The following RHPN2 variants were observed in gnomAD, a reference collection of about 807,000 sequenced individuals.
RHPN2 encodes the protein rhophilin Rho GTPase binding protein 2, also known as rhophilin-2.
In RHPN2, 40 loss-of-function variants were observed where a neutral mutation model predicts 79.0. The observed-to-expected ratio is 0.51, with a 90% CI of 0.39 to 0.66. The LOEUF is 0.66. Ranked by LOEUF, RHPN2 falls within the 30% of genes least tolerant of loss-of-function variation. The pLI is 0.00. For synonymous variants in RHPN2, 285 were observed against 363.5 expected, an observed-to-expected ratio of 0.78 and a Z score of 2.46; for missense variants, 686 against 883.5, an observed-to-expected ratio of 0.78 and a Z score of 2.83.
At chr19:33,063,023 C>G (rs559799726) in intron 1 of RHPN2, among the ~76,000 whole-genome samples, 1 of 152,140 alleles carries the variant, frequency 6.6e-6, no homozygotes, top group South Asian at 2.1e-4. Flanking sequence ...TACACCTGCT[C>G]AGAGAACAAT....
rs1453658798 is a variant in RHPN2 at position 32,994,004 on chromosome 19, C to G, written c.1470G>C (p.Leu490=). The G allele has an allele frequency of 6.2e-7, 1 of 1,613,322 alleles. No individual in the cohort carries two copies. The highest frequency in any genetic ancestry group is 8.5e-7 in the Non-Finnish European group (1 of 1,179,464). ...GCTTCTGGAAGAAGTCCGTGACTGT[C>G]AGCTTGGAGAACTGGGGCAATATAA... ...VDIILPQFSK[L]TVTDFFQKLG... The change falls in exon 12 of 15, where the codon CTG becomes CTC. Residue 490 remains leucine (L), a synonymous_variant. Coordinates refer to ENST00000254260, the MANE Select transcript of RHPN2 (RefSeq NM_033103.5).
At position 33,007,749 on chromosome 19, in the gene RHPN2, G is replaced by GTT. The variant is rs71340516; in HGVS notation, c.760+263_760+264dup. Among the ~76,000 whole-genome samples, 26 of 137,972 alleles carry GTT rather than the reference G, an allele frequency of 1.9e-4. No individual in the cohort carries two copies. In the South Asian group the frequency reaches 2.1e-3, roughly 11 times the overall value. 90.5% of individuals were successfully genotyped at this position (137,972 alleles called of 152,430 possible). ...GACTGAGGTCTGAACCACCGAGCAA[G>GTT]TTTTTTTTTTTTTTTTTGAGATGCA... On this transcript the variant is annotated intron_variant, in intron 7 of 14. Transcript: ENST00000254260.
intron 14 of RHPN2, among the ~76,000 whole-genome samples, chr19:32,981,041 C>A (rs549121600): frequency 6.6e-6 from 1 of 151,970 alleles, no homozygotes; most frequent in East Asian, 1.9e-4. Flanking sequence ...GGTTTCACCC[C>A]TTCTCGATCT....
intron 14 of RHPN2, among the ~76,000 whole-genome samples, chr19:32,984,832 G>A (rs1025406279): frequency 7.2e-5 from 11 of 152,134 alleles, no homozygotes; most frequent in Non-Finnish European, 1.6e-4. Context: ...TTTTGGCCTG[G>A]TGCAGTGGCT....
At chr19:33,002,592 G>C (rs1465383974) in intron 8 of RHPN2, among the ~76,000 whole-genome samples, 189 bp from the exon 9 acceptor site, 1 of 152,172 alleles carries the variant, frequency 6.6e-6, no homozygotes, top group Non-Finnish European at 1.5e-5. Flanking sequence ...TCAGGCTGCT[G>C]TCATTATGCT....
At chr19:33,025,732 T>C (rs960097031) in intron 3 of RHPN2, among the ~76,000 whole-genome samples, 8 of 152,224 alleles carry the variant, frequency 5.3e-5, no homozygotes, top group African/African-American at 1.9e-4. Flanking sequence ...TTAGCCAACA[T>C]TGGAAAGGTA....
intron 9 of RHPN2, among the ~76,000 whole-genome samples, chr19:33,001,964 AT>A (rs1599812992): frequency 1.3e-5 from 2 of 152,040 alleles, no homozygotes; most frequent in East Asian, 3.9e-4. Context: ...TGATGCCAGC[AT>A]TTTTGGCCTT....
chr19:33,033,821 C>G (rs573656958), intron 2 of RHPN2, among the ~76,000 whole-genome samples: 1 of 151,906 alleles, frequency 6.6e-6, no homozygotes, highest in African/African-American at 2.4e-5. Flanking sequence ...GAGCCGAGAT[C>G]GCGCCATTGC....
intron 1 of RHPN2, among the ~76,000 whole-genome samples, chr19:33,047,689 G>A (rs2145265767): frequency 6.6e-6 from 1 of 152,266 alleles, no homozygotes; most frequent in South Asian, 2.1e-4. Context: ...GGAGGGAGAT[G>A]TGAGTTATCT....
chr19:33,059,207 G>A (rs7259117), intron 1 of RHPN2, among the ~76,000 whole-genome samples: 2 of 151,436 alleles, frequency 1.3e-5, no homozygotes, highest in Non-Finnish European at 2.9e-5. Context: ...TTCACCCCCC[G>A]CCTCGACTCC....
At chr19:33,031,930 G>A (rs1053189792) in intron 2 of RHPN2, among the ~76,000 whole-genome samples, 2 of 151,560 alleles carry the variant, frequency 1.3e-5, no homozygotes, top group African/African-American at 4.8e-5. Context: ...ATGTTAGCCA[G>A]GATGGTCTTG....
intron 11 of RHPN2, 81 bp from the exon 12 acceptor site, chr19:32,994,134 G>C (rs563888825): frequency 2.9e-6 from 3 of 1,037,646 alleles, no homozygotes; most frequent in Admixed American, 1.8e-5. Flanking sequence ...TGTGGCTCAC[G>C]CCTGTAATCC....
chr19:33,000,781 T>TC (rs1971743190), intron 9 of RHPN2, among the ~76,000 whole-genome samples: 1 of 152,100 alleles, frequency 6.6e-6, no homozygotes, highest in Admixed American at 6.6e-5. Flanking sequence ...GGCTGACCCT[T>TC]CCCTCCTGTG....
chr19:33,017,357 A>T (rs1294292022), intron 4 of RHPN2, among the ~76,000 whole-genome samples: 1 of 150,346 alleles, frequency 6.7e-6, no homozygotes, highest in African/African-American at 2.4e-5. Flanking sequence ...CTGCGCAACA[A>T]GAGTGAAACT....
intron 1 of RHPN2, among the ~76,000 whole-genome samples, chr19:33,059,423 C>T (rs1972261841): frequency 6.6e-6 from 1 of 151,988 alleles, no homozygotes; most frequent in Non-Finnish European, 1.5e-5. Flanking sequence ...CTCAGCCTCC[C>T]GAGTAGCTGG....
intron 2 of RHPN2, among the ~76,000 whole-genome samples, chr19:33,028,673 C>A (rs1260774934): frequency 1.3e-5 from 2 of 152,092 alleles, no homozygotes; most frequent in African/African-American, 2.4e-5. Context: ...ATCAAGCCTC[C>A]TTAGTTGGTA....
At chr19:33,016,516 A>G (rs1166893753) in intron 4 of RHPN2, among the ~76,000 whole-genome samples, 1 of 152,126 alleles carries the variant, frequency 6.6e-6, no homozygotes, top group East Asian at 1.9e-4. Flanking sequence ...CCCTGTCTCT[A>G]CTAAAAATAT....
In RHPN2 at chr19:32,987,160, G is replaced by A. The variant is rs189339964; in HGVS notation, c.1800+3354C>T. ...CTCAAAGTGCTGGAATTACAGGTGT[G>A]AGCCAGCATGCCAAGACACCAGTGA... On this transcript the variant is annotated intron_variant, in intron 14 of 14. Coordinates refer to ENST00000254260, the MANE Select transcript of RHPN2 (RefSeq NM_033103.5). Among the ~76,000 whole-genome samples, 141 of 152,210 alleles carry A rather than the reference G, an allele frequency of 9.3e-4. 1 individual carries two copies. Among genetic ancestry groups the A allele is most frequent in the Non-Finnish European group, 2.1e-4 (14 of 68,004 alleles).
At chr19:33,049,304 G>C (rs1972168675) in intron 1 of RHPN2, among the ~76,000 whole-genome samples, 1 of 152,178 alleles carries the variant, frequency 6.6e-6, no homozygotes, top group South Asian at 2.1e-4. Flanking sequence ...GGGACAAGGT[G>C]GCGGGTCCAC....
Sources: gnomAD v4.1 joint callset for allele counts (sites outside exome capture counted in the v4.1 genomes callset) on GRCh38, gnomAD v4.1.1 for gene constraint, MANE v1.5 for transcripts, NCBI Gene and HGNC (gene_info 2026-07-23, HGNC 2026-07-21) for gene names.